Variants in PSD2 observed in about 807,000 individuals in gnomAD.
PSD2 encodes the protein pleckstrin and Sec7 domain containing 2, also known as PH and SEC7 domain-containing protein 2.
A neutral mutation model predicts 69.8 loss-of-function variants in PSD2; 38 were observed. The ratio of observed to expected loss-of-function variants is 0.54; its 90% CI spans 0.42 to 0.71. The LOEUF is 0.71. Ranked by LOEUF, PSD2 falls within the 30% of genes least tolerant of loss-of-function variation. The pLI is 0.00. For missense variants in PSD2, 943 were observed against 1,014.5 expected (o/e 0.93, Z 0.96); for synonymous variants, 412 against 423.0 (o/e 0.97, Z 0.32).
the PSD2 span, among the ~76,000 whole-genome samples, chr5:139,784,148 C>T: frequency 6.6e-6 from 1 of 151,910 alleles, no homozygotes; most frequent in South Asian, 2.1e-4. Flanking sequence ...CCATGTTGCC[C>T]AGGCTGGTCT....
At chr5:139,746,802 G>A in the PSD2 span, among the ~76,000 whole-genome samples, 1 of 152,192 alleles carries the variant, frequency 6.6e-6, no homozygotes, top group African/African-American at 2.4e-5. The surrounding 1 kb of genome is among the most constrained non-coding windows in gnomAD (Gnocchi z 4.5). Context: ...GGAAGCCGAG[G>A]CGGGCAAGTG....
chr5:139,766,006 TGGGGTGACGGCAAGCCAGGCC>T, the PSD2 span, among the ~76,000 whole-genome samples: 5 of 152,024 alleles, frequency 3.3e-5, no homozygotes, highest in African/African-American at 9.7e-5. Flanking sequence ...CTGGCGGCGA[TGGGGTGACGGCAAGCCAGGCC>T]CCTCTGTGGT....
chr5:139,754,131 G>A, the PSD2 span, among the ~76,000 whole-genome samples: 7 of 151,458 alleles, frequency 4.6e-5, no homozygotes, highest in South Asian at 4.3e-4. Flanking sequence ...CCACTGCGCC[G>A]GACCAGAGTT....
chr5:139,838,477 C>T, intron 12 of PSD2, 151 bp from the exon 13 acceptor site: 1 of 800,470 alleles, frequency 1.2e-6, no homozygotes, highest in Middle Eastern at 3.7e-4. Flanking sequence ...GCCCATCCAG[C>T]CCCCATGTGT....
chr5:139,746,281 G>C, the PSD2 span: 1 of 152,218 alleles, frequency 6.6e-6, no homozygotes, highest in African/African-American at 2.4e-5. The surrounding 1 kb of genome is among the most constrained non-coding windows in gnomAD (Gnocchi z 4.5). Context: ...TTCTAAAGAG[G>C]CACCGTGAGA....
intron 7 of PSD2, among the ~76,000 whole-genome samples, chr5:139,825,224 C>T (rs1455839146): frequency 6.6e-6 from 1 of 152,222 alleles, no homozygotes; most frequent in East Asian, 1.9e-4. Flanking sequence ...CAGGGAAAGC[C>T]TGCAAGGTTT....
At chr5:139,749,982 T>C in the PSD2 span, among the ~76,000 whole-genome samples, 16 of 151,096 alleles carry the variant, frequency 1.1e-4, no homozygotes, top group African/African-American at 3.9e-4. Flanking sequence ...GAGCCGTGAT[T>C]GTGCCACTAT....
the PSD2 span, among the ~76,000 whole-genome samples, chr5:139,769,712 G>A: frequency 6.6e-6 from 1 of 152,168 alleles, no homozygotes; most frequent in African/African-American, 2.4e-5. Flanking sequence ...GCCATGGGTG[G>A]CCTTGTGACC....
In PSD2 at chr5:139,837,931, T is replaced by C; in HGVS notation, c.1823+149T>C. On this transcript the variant is annotated intron_variant, in intron 12 of 14. Coordinates refer to ENST00000274710, the MANE Select transcript of PSD2 (RefSeq NM_032289.4). The surrounding 1 kb of genome is among the most constrained non-coding windows in gnomAD (Gnocchi z 5.0). ...CAGCTGGGTCCCTCCAAAGCAGTGG[T>C]TCCCAATGTGTGGTTCCCCTCAGCA... 1.3e-6 allele frequency: 1 copy of C among 767,670 alleles called. No individual in the cohort carries two copies. Among genetic ancestry groups the C allele is most frequent in the Non-Finnish European group, 2.1e-6 (1 of 487,694 alleles). The allele number at this position is 767,670 out of a possible 1,614,324, so 47.6% of individuals were successfully genotyped here. A position where few individuals can be genotyped will look rare whatever the true frequency, so the allele number is the denominator to read the frequency against.
At chr5:139,795,667 A>G (rs11748139), upstream of PSD2, among the ~76,000 whole-genome samples, 151,775 of 151,776 alleles carry the variant, frequency 1, 75,887 homozygotes, top group Non-Finnish European at 1. The surrounding 1 kb of genome is among the most constrained non-coding windows in gnomAD (Gnocchi z 4.5). Flanking sequence ...CTGCGCTGCA[A>G]GCGGACAGGG....
chr5:139,832,368 T>C (rs1383500063), intron 7 of PSD2, among the ~76,000 whole-genome samples: 13 of 152,226 alleles, frequency 8.5e-5, no homozygotes, highest in Non-Finnish European at 1.5e-5. Flanking sequence ...ATACATAGGA[T>C]CTTTTCTCCT....
At chr5:139,775,041 G>A in the PSD2 span, among the ~76,000 whole-genome samples, 14 of 152,152 alleles carry the variant, frequency 9.2e-5, no homozygotes, top group Non-Finnish European at 1.6e-4. Context: ...GCCATTGGCC[G>A]CCCCAGCCAA....
At chr5:139,773,102 A>G in the PSD2 span, 1 of 152,234 alleles carries the variant, frequency 6.6e-6, no homozygotes, top group African/African-American at 2.4e-5. Context: ...GACATTAAAT[A>G]CATTCACATT....
At chr5:139,757,341 G>T in the PSD2 span, among the ~76,000 whole-genome samples, 1 of 152,184 alleles carries the variant, frequency 6.6e-6, no homozygotes. Flanking sequence ...CCTGTCCTTC[G>T]CCTGCATCTG....
At chr5:139,784,225 C>T in the PSD2 span, among the ~76,000 whole-genome samples, 17 of 152,014 alleles carry the variant, frequency 1.1e-4, no homozygotes, top group Non-Finnish European at 2.5e-4. Flanking sequence ...CAGGTGTGAG[C>T]CATTGCGCTG....
At chr5:139,808,588 C>T (rs1251136875) in intron 1 of PSD2, among the ~76,000 whole-genome samples, 3 of 152,210 alleles carry the variant, frequency 2.0e-5, no homozygotes, top group Non-Finnish European at 2.9e-5. Context: ...CCCTTGGCGG[C>T]CTCCTCATGA....
At chr5:139,765,552 T>A in the PSD2 span, among the ~76,000 whole-genome samples, 1 of 152,190 alleles carries the variant, frequency 6.6e-6, no homozygotes, top group African/African-American at 2.4e-5. Flanking sequence ...TATTTCCAGA[T>A]AAATCCCCAT....
chr5:139,756,974 G>A, the PSD2 span, among the ~76,000 whole-genome samples: 1 of 152,204 alleles, frequency 6.6e-6, no homozygotes, highest in Non-Finnish European at 1.5e-5. Flanking sequence ...CCACACAACA[G>A]CTCTACAAGG....
At chr5:139,765,248 C>T in the PSD2 span, among the ~76,000 whole-genome samples, 2 of 152,126 alleles carry the variant, frequency 1.3e-5, no homozygotes, top group Non-Finnish European at 2.9e-5. Context: ...TATTCAGTAC[C>T]CCCAGTGCCT....
Sources: gnomAD v4.1 joint callset for allele counts (sites outside exome capture counted in the v4.1 genomes callset) on GRCh38, gnomAD v4.1.1 for gene constraint, Gnocchi (gnomAD v3.1) non-coding constraint, MANE v1.5 for transcripts, NCBI Gene and HGNC (gene_info 2026-07-23, HGNC 2026-07-21) for gene names.